Variants in NPR2 observed in about 807,000 individuals in gnomAD.
NPR2 encodes the protein natriuretic peptide receptor 2, also known as atrial natriuretic peptide receptor 2.
Under a neutral mutation model 120.7 loss-of-function variants are expected in NPR2, and 49 were observed. The observed-to-expected ratio is 0.41, with a 90% CI of 0.32 to 0.52. The LOEUF is 0.52. Among genes scored for constraint, NPR2 ranks in the 20% least tolerant of loss-of-function variants. The pLI, the probability that NPR2 is intolerant of heterozygous loss-of-function variation, is 0.36. For missense variants in NPR2, 931 were observed against 1,362.9 expected (o/e 0.68, Z 4.99); for synonymous variants, 484 against 519.8 (o/e 0.93, Z 0.94).
chr9:35,808,019 G>C lies in NPR2; in HGVS notation c.2713-490G>C. On this transcript the variant is annotated intron_variant, in intron 18 of 21. Transcript: ENST00000342694. The surrounding 1 kb of genome is among the most constrained non-coding windows in gnomAD (Gnocchi z 4.0). ...TACTTTATCCCTAAATACTTAGTGT[G>C]TATTTCCTAAAAACTTCACTGTGTA... 1 of 643,528 alleles carries C rather than the reference G, an allele frequency of 1.6e-6. No homozygotes were observed. The highest frequency in any genetic ancestry group is 2.8e-6 in the Non-Finnish European group (1 of 359,554). The allele number at this position is 643,528 out of a possible 1,614,324, so 39.9% of individuals were successfully genotyped here.
rs78996150 is a variant in NPR2 at position 35,795,048 on chromosome 9, T to C, written c.873+945T>C. On this transcript the variant is annotated intron_variant, in intron 2 of 21. Transcript: ENST00000342694. ...GGGAATGTTGGCATGACTCTGTTCA[T>C]TTCACTCCTGCTCAAAACTTTCAGT... 5.2e-3 allele frequency among the ~76,000 whole-genome samples: 790 copies of C among 152,294 alleles called. 10 individuals are homozygous for C. The highest frequency in any genetic ancestry group is 0.018 in the African/African-American group (756 of 41,562).
At position 35,802,938 on chromosome 9, in the gene NPR2, T is replaced by C; in HGVS notation, c.1887+135T>C. 1 of 726,162 alleles carries C rather than the reference T, an allele frequency of 1.4e-6. No individual in the cohort carries two copies. The highest frequency in any genetic ancestry group is 2.6e-5 in the East Asian group (1 of 37,856). 45.0% of individuals were successfully genotyped at this position (726,162 alleles called of 1,614,324 possible). A position where few individuals can be genotyped will look rare whatever the true frequency, so the allele number is the denominator to read the frequency against. ...CCTTATTCCCATGGTCTGGTAATAATGGGTAAACAAGGAGTCTGGGGCTTA... is the reference window on the plus strand; with the variant it reads ...CCTTATTCCCATGGTCTGGTAATAACGGGTAAACAAGGAGTCTGGGGCTTA... On this transcript the variant is annotated intron_variant, in intron 12 of 21. Coordinates refer to ENST00000342694, the MANE Select transcript of NPR2 (RefSeq NM_003995.4). This position sits in a 1 kb window ranked among gnomAD's most constrained non-coding sequence, Gnocchi z 4.2.
Position 35,805,373 on chromosome 9 carries a change from A to T in NPR2, c.1888-138A>T. ...TCCTGCTTCCTTGGGTGGAAACTGC[A>T]AAGGATGCCTTCCAAAATCAGCTTA... is the stretch of plus-strand genomic sequence containing the variant. On this transcript the variant is annotated intron_variant, in intron 12 of 21. Coordinates refer to ENST00000342694, the MANE Select transcript of NPR2 (RefSeq NM_003995.4). The surrounding 1 kb of genome is among the most constrained non-coding windows in gnomAD (Gnocchi z 4.9). The T allele has an allele frequency of 1.2e-6, 1 of 858,738 alleles. No homozygotes were observed. Among genetic ancestry groups the T allele is most frequent in the South Asian group, 1.4e-5 (1 of 71,982 alleles). 53.2% of individuals were successfully genotyped at this position (858,738 alleles called of 1,614,324 possible). A position where few individuals can be genotyped will look rare whatever the true frequency, so the allele number is the denominator to read the frequency against.
chr9:35,807,380 C>T lies in NPR2; in HGVS notation c.2694C>T (p.Asp898=). 1 of 1,611,714 alleles carries T rather than the reference C, an allele frequency of 6.2e-7. No individual in the cohort carries two copies. The highest frequency in any genetic ancestry group is 8.5e-7 in the Non-Finnish European group (1 of 1,178,724). ...DLYTCFDAII[D]NFDVYKVETI... is the part of the protein sequence containing the mutation. ...ATACCTGCTTTGATGCCATAATTGACAACTTTGATGTCTACAAGGTGAGAG... is the reference window on the plus strand; with the variant it reads ...ATACCTGCTTTGATGCCATAATTGATAACTTTGATGTCTACAAGGTGAGAG... Residue 898 remains aspartate, a synonymous_variant, in exon 18 of 22, where the codon GAC becomes GAT. Transcript: ENST00000342694.
In NPR2 at chr9:35,801,746, C is replaced by T. The variant is rs565266558; in HGVS notation, c.1540C>T (p.Arg514Cys). Residue 514 changes from arginine to cysteine, a missense_variant, in exon 8 of 22, where the codon CGC becomes TGC. Arg to Cys is a radical substitution (Grantham distance 180). This residue lies in a region of NPR2 where 681 missense variants were observed against 974.3 expected (regional missense o/e 0.70). Coordinates refer to ENST00000342694, the MANE Select transcript of NPR2 (RefSeq NM_003995.4). Reference sequence around the variant, plus strand: ...GCGTTATCACAAAGGTGCAGGCAGTCGCCTCACACTGTCGCTGGTGAGCCC... The same window carrying T: ...GCGTTATCACAAAGGTGCAGGCAGTTGCCTCACACTGTCGCTGGTGAGCCC... ...SERYHKGAGS[R>C]LTLSLRGSSY... 8 of 1,614,192 alleles carry T rather than the reference C, an allele frequency of 5.0e-6. No individual in the cohort carries two copies. Among genetic ancestry groups the T allele is most frequent in the East Asian group, 2.2e-5 (1 of 44,886 alleles).
rs1454239186 is a variant in NPR2, at chr9:35,800,297, G to A, written c.1124-92G>A. The A allele has an allele frequency of 7.0e-7, 1 of 1,425,938 alleles. No individual in the cohort carries two copies. Among genetic ancestry groups the A allele is most frequent in the East Asian group, 2.3e-5 (1 of 44,064 alleles). 88.3% of individuals were successfully genotyped at this position (1,425,938 alleles called of 1,614,324 possible). A position where few individuals can be genotyped will look rare whatever the true frequency, so the allele number is the denominator to read the frequency against. ...GAGTTGCCCACACCTCAAGATCGGG[G>A]AAGGGTAGACTCTGAGGGAGCCGTA... On this transcript the variant is annotated intron_variant, in intron 4 of 21. Transcript: ENST00000342694. This position sits in a 1 kb window ranked among gnomAD's most constrained non-coding sequence, Gnocchi z 4.7.
chr9:35,803,563 A>C (rs1472200821), intron 12 of NPR2, among the ~76,000 whole-genome samples: 1 of 152,234 alleles, frequency 6.6e-6, no homozygotes, highest in Admixed American at 6.5e-5. Context: ...TTACTAGTAG[A>C]ACTAAGAGAA....
chr9:35,800,080 A>T lies in NPR2; in HGVS notation c.1046A>T (p.Asn349Ile). ...DGILLYAEVL[N>I]ETIQEGGTRE... Reference sequence around the variant, plus strand: ...ATCCTGCTATATGCTGAAGTCCTGAATGAGACAATACAGGAAGGAGGCACC... The same window carrying T: ...ATCCTGCTATATGCTGAAGTCCTGATTGAGACAATACAGGAAGGAGGCACC... Residue 349 changes from asparagine (N) to isoleucine (I), a missense_variant, in exon 4 of 22, where the codon AAT becomes ATT. Asn to Ile is a moderately radical substitution (Grantham distance 149). Around this residue, in one of 3 missense-constraint regions of NPR2, gnomAD observed 681 missense variants for 974.3 expected, o/e 0.70. Transcript: ENST00000342694. The surrounding 1 kb of genome is among the most constrained non-coding windows in gnomAD (Gnocchi z 4.7). 6.2e-7 allele frequency: 1 copy of T among 1,614,148 alleles called. No homozygotes were observed. Among genetic ancestry groups the T allele is most frequent in the Non-Finnish European group, 8.5e-7 (1 of 1,180,002 alleles).
At position 35,800,553 on chromosome 9, in the gene NPR2, C is replaced by G; in HGVS notation, c.1218+70C>G. 1 of 1,568,824 alleles carries G rather than the reference C, an allele frequency of 6.4e-7. No individual in the cohort carries two copies. On this transcript the variant is annotated intron_variant, in intron 5 of 21. Transcript: ENST00000342694. The surrounding 1 kb of genome is among the most constrained non-coding windows in gnomAD (Gnocchi z 4.7). The stretch of plus-strand genomic sequence containing the variant: ...CCAGCTTTCAAGGGTTCAGTCGGGG[C>G]AGAACCAAAACTACTAGATGAGGGA...
chr9:35,807,941 T>A (rs534170872), intron 18 of NPR2: 1 of 541,430 alleles, frequency 1.8e-6, no homozygotes, highest in African/African-American at 1.9e-5. Context: ...ATTCGTTGTA[T>A]GGAAAGTACC....
Position 35,802,828 on chromosome 9 carries a change from G to T in NPR2, c.1887+25G>T. On this transcript the variant is annotated intron_variant, in intron 12 of 21. Transcript: ENST00000342694. The surrounding 1 kb of genome is among the most constrained non-coding windows in gnomAD (Gnocchi z 4.2). ...GGTGAGTCTTCCCCACTCCTTAAAA[G>T]TTCATCCACTTTAAATCACTTCCAC... 2 of 1,472,158 alleles carry T rather than the reference G, an allele frequency of 1.4e-6. No homozygotes were observed. Among genetic ancestry groups the T allele is most frequent in the South Asian group, 1.1e-5 (1 of 88,142 alleles). 91.2% of individuals were successfully genotyped at this position (1,472,158 alleles called of 1,614,324 possible).
chr9:35,802,261 A>G lies in NPR2; in HGVS notation c.1688A>G (p.Gln563Arg). The change falls in exon 10 of 22, where the codon CAG becomes CGG. Residue 563 changes from glutamine to arginine, a missense_variant. By Grantham distance (43) the Gln-to-Arg change is conservative (BLOSUM62 1). This residue lies in a region of NPR2 where 681 missense variants were observed against 974.3 expected (regional missense o/e 0.70). Transcript: ENST00000342694. The surrounding 1 kb of genome is among the most constrained non-coding windows in gnomAD (Gnocchi z 4.2). Reference protein sequence around the residue: ...VNKKRIELTRQVLFELKHMRD... With the variant: ...VNKKRIELTRRVLFELKHMRD... The stretch of plus-strand genomic sequence containing the variant: ...AAGAAGCGCATTGAGCTGACCCGGC[A>G]GGTTCTGTTTGAACTCAAACATGTA... 6.2e-7 allele frequency: 1 copy of G among 1,603,928 alleles called. No individual in the cohort carries two copies. The highest frequency in any genetic ancestry group is 1.1e-5 in the South Asian group (1 of 90,886).
intron 2 of NPR2, among the ~76,000 whole-genome samples, chr9:35,799,062 C>T (rs1356911129): frequency 6.6e-6 from 1 of 152,200 alleles, no homozygotes; most frequent in Non-Finnish European, 1.5e-5. Flanking sequence ...CCTCAGTTGT[C>T]ATAGGGCCTG....
chr9:35,802,312 G>A lies in NPR2; in HGVS notation c.1710+29G>A, dbSNP rs1402332708. The A allele has an allele frequency of 5.3e-6, 7 of 1,318,990 alleles. No homozygotes were observed. The highest frequency in any genetic ancestry group is 7.7e-6 in the Non-Finnish European group (7 of 913,444). 81.7% of individuals were successfully genotyped at this position (1,318,990 alleles called of 1,614,324 possible). Reference sequence around the variant, plus strand: ...TGTAACAGAGGATGGACTCTAACATGTATGTAATGGAGGAGTGGGGAAAAC... The same window carrying A: ...TGTAACAGAGGATGGACTCTAACATATATGTAATGGAGGAGTGGGGAAAAC... On this transcript the variant is annotated intron_variant, in intron 10 of 21. Transcript: ENST00000342694. This position sits in a 1 kb window ranked among gnomAD's most constrained non-coding sequence, Gnocchi z 4.2.
chr9:35,808,502 C>G lies in NPR2; in HGVS notation c.2713-7C>G. ...AGAGGTGACCTTTTAATCCCCCTCT[C>G]AATCAGGTGGAGACGATTGGGGATG... On this transcript the variant is annotated splice_polypyrimidine_tract_variant and splice_region_variant and intron_variant, in intron 18 of 21. Coordinates refer to ENST00000342694, the MANE Select transcript of NPR2 (RefSeq NM_003995.4). This position sits in a 1 kb window ranked among gnomAD's most constrained non-coding sequence, Gnocchi z 4.0. 1.2e-6 allele frequency: 2 copies of G among 1,613,904 alleles called. No individual in the cohort carries two copies. Among genetic ancestry groups the G allele is most frequent in the Non-Finnish European group, 1.7e-6 (2 of 1,179,940 alleles).
intron 2 of NPR2, among the ~76,000 whole-genome samples, chr9:35,799,117 C>T (rs779479452): frequency 6.6e-6 from 1 of 152,008 alleles, no homozygotes; most frequent in Admixed American, 6.5e-5. Context: ...TTCAAGTGGC[C>T]GAAATGACAA....
rs1328030113 is a variant in NPR2, at chr9:35,805,454, A to C, written c.1888-57A>C. On this transcript the variant is annotated intron_variant, in intron 12 of 21. Transcript: ENST00000342694. This position sits in a 1 kb window ranked among gnomAD's most constrained non-coding sequence, Gnocchi z 4.9. ...GCTAGCCAGTGCCCATCTCATGGAG[A>C]GAGGGTATTCTAAGCCAGATATGAT... 1.9e-6 allele frequency: 3 copies of C among 1,556,074 alleles called. No individual in the cohort carries two copies. Among genetic ancestry groups the C allele is most frequent in the Non-Finnish European group, 2.7e-6 (3 of 1,127,340 alleles).
In NPR2 at chr9:35,800,795, C is replaced by G; in HGVS notation, c.1305C>G (p.Asp435Glu). ...GGGTGAAGGGGGCTCCTCCCTCGGACAATCCCCCCTGTGCCTTTGACTTGG... is the reference window on the plus strand; with the variant it reads ...GGGTGAAGGGGGCTCCTCCCTCGGAGAATCCCCCCTGTGCCTTTGACTTGG... ...IPWVKGAPPS[D>E]NPPCAFDLDD... Residue 435 changes from aspartate to glutamate, a missense_variant, in exon 6 of 22, where the codon GAC (aspartate) becomes GAG (glutamate). Physicochemically the swap from Asp to Glu is conservative, Grantham distance 45. Coordinates refer to ENST00000342694, the MANE Select transcript of NPR2 (RefSeq NM_003995.4). This position sits in a 1 kb window ranked among gnomAD's most constrained non-coding sequence, Gnocchi z 4.7. 6.2e-7 allele frequency: 1 copy of G among 1,614,148 alleles called. No homozygotes were observed. Among genetic ancestry groups the G allele is most frequent in the Non-Finnish European group, 8.5e-7 (1 of 1,180,022 alleles).
At position 35,801,716 on chromosome 9, in the gene NPR2, T is replaced by G. The variant is rs765684562; in HGVS notation, c.1510T>G (p.Ser504Ala). The change falls in exon 8 of 22, where the codon TCA becomes GCA. Residue 504 changes from serine to alanine, a missense_variant. Transcript: ENST00000342694. The part of the protein sequence containing the change: ...IRWEELQFGN[S>A]ERYHKGAGSR... Reference sequence around the variant, plus strand: ...CTGGGAAGAACTGCAGTTTGGCAACTCAGAGCGTTATCACAAAGGTGCAGG... The same window carrying G: ...CTGGGAAGAACTGCAGTTTGGCAACGCAGAGCGTTATCACAAAGGTGCAGG... The G allele has an allele frequency of 1.2e-6, 2 of 1,614,102 alleles. No individual in the cohort carries two copies. The highest frequency in any genetic ancestry group is 2.2e-5 in the South Asian group (2 of 91,092).
Sources: allele counts gnomAD v4.1 joint callset (sites outside exome capture counted in the v4.1 genomes callset), GRCh38; gene constraint gnomAD v4.1.1; regional missense constraint gnomAD v4.1.1; non-coding constraint Gnocchi (gnomAD v3.1); transcripts MANE v1.5; gene names NCBI Gene and HGNC (gene_info 2026-07-23, HGNC 2026-07-21).